Variants in EZH2 observed in about 807,000 individuals in gnomAD.
The protein encoded by EZH2 is histone-lysine N-methyltransferase EZH2.
A neutral mutation model predicts 98.4 loss-of-function variants in EZH2; 18 were observed. The observed-to-expected ratio is 0.18, with a 90% confidence interval of 0.13 to 0.27. EZH2 has a LOEUF of 0.27. EZH2 is among the 10% of genes least tolerant of loss of function. The pLI is 1.00. For missense variants in EZH2, 470 were observed against 935.1 expected (o/e 0.50, Z 6.49); for synonymous variants, 338 against 312.3 (o/e 1.08, Z -0.87).
intron 1 of EZH2, among the ~76,000 whole-genome samples, chr7:148,866,247 G>T (rs1585260100): frequency 6.6e-6 from 1 of 151,990 alleles, no homozygotes; most frequent in Non-Finnish European, 1.5e-5. Flanking sequence ...CTGTGCTATG[G>T]TCTGAAGGTG....
At chr7:148,861,647 T>C (rs1399005775) in intron 1 of EZH2, among the ~76,000 whole-genome samples, 2 of 152,098 alleles carry the variant, frequency 1.3e-5, no homozygotes, top group African/African-American at 4.8e-5. Flanking sequence ...AACACATTTT[T>C]AAAAAGAAAC....
At chr7:148,830,517 A>G (rs1585034273) in intron 4 of EZH2, among the ~76,000 whole-genome samples, 2 of 152,400 alleles carry the variant, frequency 1.3e-5, no homozygotes, top group Non-Finnish European at 1.5e-5. Context: ...AATGTAAGAC[A>G]TCCAATATAA....
intron 1 of EZH2, among the ~76,000 whole-genome samples, 160 bp from the exon 2 acceptor site, chr7:148,847,465 C>G (rs749456771): frequency 5.9e-5 from 9 of 152,172 alleles, no homozygotes; most frequent in Non-Finnish European, 1.3e-4. Flanking sequence ...ATGGTTAAAT[C>G]CTTAAAACAC....
chr7:148,846,043 G>A (rs1457049120), intron 3 of EZH2, among the ~76,000 whole-genome samples: 1 of 152,158 alleles, frequency 6.6e-6, no homozygotes, highest in Non-Finnish European at 1.5e-5. Flanking sequence ...CTTATAGAGA[G>A]GCTTAGCCTT....
chr7:148,839,538 C>A, intron 3 of EZH2, among the ~76,000 whole-genome samples: 1 of 145,466 alleles, frequency 6.9e-6, no homozygotes, highest in African/African-American at 2.6e-5. Flanking sequence ...GGGGGGGGGG[C>A]AATCTGCAAA....
intron 1 of EZH2, among the ~76,000 whole-genome samples, chr7:148,848,093 C>A (rs562353891): frequency 6.6e-6 from 1 of 152,266 alleles, no homozygotes; most frequent in East Asian, 1.9e-4. Context: ...AACATTTTCT[C>A]CTAAAGTATT....
intron 17 of EZH2, 65 bp from the exon 18 acceptor site, chr7:148,809,455 T>C: frequency 1.5e-6 from 2 of 1,347,394 alleles, no homozygotes; most frequent in Non-Finnish European, 2.1e-6. Context: ...CAAGTTATTA[T>C]GATTTTGTAA....
chr7:148,853,120 T>C (rs1816151786), intron 1 of EZH2, among the ~76,000 whole-genome samples: 1 of 152,166 alleles, frequency 6.6e-6, no homozygotes, highest in East Asian at 1.9e-4. Context: ...AGGCATTAGT[T>C]AGATTCTCAT....
At chr7:148,861,382 A>G (rs907805410) in intron 1 of EZH2, among the ~76,000 whole-genome samples, 1 of 151,788 alleles carries the variant, frequency 6.6e-6, no homozygotes, top group African/African-American at 2.4e-5. Context: ...ACACACTACC[A>G]TGCCCAGCTA....
At chr7:148,860,741 G>A (rs986459630) in intron 1 of EZH2, among the ~76,000 whole-genome samples, 1 of 152,072 alleles carries the variant, frequency 6.6e-6, no homozygotes, top group South Asian at 2.1e-4. Flanking sequence ...GCGCAATCAC[G>A]GCTCACTACA....
At chr7:148,857,095 T>C (rs1007231141) in intron 1 of EZH2, among the ~76,000 whole-genome samples, 1 of 152,252 alleles carries the variant, frequency 6.6e-6, no homozygotes, top group South Asian at 2.1e-4. Context: ...CTCTGTGGTA[T>C]CCTTCCCCCA....
At chr7:148,809,752 A>AT (rs1187867667) in intron 17 of EZH2, among the ~76,000 whole-genome samples, 1 of 152,176 alleles carries the variant, frequency 6.6e-6, no homozygotes, top group East Asian at 1.9e-4. Flanking sequence ...TATAATGTCT[A>AT]TAAAGCATTC....
At chr7:148,852,901 C>A (rs969597150) in intron 1 of EZH2, among the ~76,000 whole-genome samples, 8 of 152,026 alleles carry the variant, frequency 5.3e-5, no homozygotes, top group African/African-American at 1.7e-4. Context: ...GTTCCAGGAC[C>A]CCCAACAGAT....
rs537703866 is a variant in EZH2, at chr7:148,854,975, A to C, written c.-7-7670T>G. ...GTAAGTGATAAAAATTAATTACTTA[A>C]GAGAAACAGATCCTATGCCTGAGGG... On this transcript the variant is annotated intron_variant, in intron 1 of 19. Coordinates refer to ENST00000320356, the MANE Select transcript of EZH2 (RefSeq NM_004456.5). Among the ~76,000 whole-genome samples, 11 of 152,348 alleles carry C rather than the reference A, an allele frequency of 7.2e-5. No individual in the cohort carries two copies. In the South Asian group the frequency reaches 2.3e-3, roughly 32 times the overall value.
Position 148,817,908 on chromosome 7 carries a change from T to C in EZH2, c.1209A>G (p.Glu403=), listed in dbSNP as rs199543597. 1 of 1,613,912 alleles carries C rather than the reference T, an allele frequency of 6.2e-7. No homozygotes were observed. The highest frequency in any genetic ancestry group is 2.2e-5 in the East Asian group (1 of 44,886). The change falls in exon 10 of 20, where the codon GAA becomes GAG. Residue 403 remains glutamate, a synonymous_variant. Transcript: ENST00000320356. ...AGCTCGAAGTTTCATCTTTCTTCTC[T>C]TCTTCTTCTTTATCATTGTTCTCTC... ...TGGENNDKEE[E]EKKDETSSSS... is the part of the protein sequence containing the mutation.
chr7:148,842,364 T>G (rs1389865113), intron 3 of EZH2, among the ~76,000 whole-genome samples: 1 of 152,082 alleles, frequency 6.6e-6, no homozygotes, highest in African/African-American at 2.4e-5. Context: ...ACCTCAAGAG[T>G]AACTCTTAAA....
chr7:148,825,359 A>G (rs764232934), intron 8 of EZH2, among the ~76,000 whole-genome samples: 2 of 152,246 alleles, frequency 1.3e-5, no homozygotes, highest in African/African-American at 2.4e-5. Flanking sequence ...AGGAGTTAGA[A>G]CAAGAGCAAG....
At chr7:148,844,802 C>T (rs185790299) in intron 3 of EZH2, among the ~76,000 whole-genome samples, 8 of 152,056 alleles carry the variant, frequency 5.3e-5, no homozygotes, top group Middle Eastern at 3.4e-3. Flanking sequence ...AAATTTAATG[C>T]CAAATATACT....
At chr7:148,822,384 C>T (rs899297735) in intron 8 of EZH2, among the ~76,000 whole-genome samples, 1 of 151,824 alleles carries the variant, frequency 6.6e-6, no homozygotes, top group Non-Finnish European at 1.5e-5. Flanking sequence ...GTAGCACATG[C>T]CTGTAGTCCC....
Sources: gnomAD v4.1 joint callset for allele counts (sites outside exome capture counted in the v4.1 genomes callset) on GRCh38, gnomAD v4.1.1 for gene constraint, MANE v1.5 for transcripts, NCBI Gene and HGNC (gene_info 2026-07-23, HGNC 2026-07-21) for gene names.